The following ADAMTS3 variants were observed in gnomAD, a reference collection of about 807,000 sequenced individuals.
ADAMTS3 encodes the protein ADAM metallopeptidase with thrombospondin type 1 motif 3, also known as A disintegrin and metalloproteinase with thrombospondin motifs 3.
Under a neutral mutation model 129.0 loss-of-function variants are expected in ADAMTS3, and 73 were observed. The ratio of observed to expected loss-of-function variants is 0.57; its 90% confidence interval spans 0.47 to 0.69. ADAMTS3 has a LOEUF of 0.69. Ranked by LOEUF, ADAMTS3 falls within the 30% of genes least tolerant of loss-of-function variation. The pLI is 0.00. For missense variants in ADAMTS3, 1,457 were observed against 1,514.5 expected (o/e 0.96, Z 0.63); for synonymous variants, 477 against 510.8 (o/e 0.93, Z 0.89).
intron 3 of ADAMTS3, among the ~76,000 whole-genome samples, chr4:72,427,634 G>C (rs1178408735): frequency 6.6e-6 from 1 of 151,860 alleles, no homozygotes; most frequent in Admixed American, 6.6e-5. Flanking sequence ...GAAAAAAACA[G>C]AGACAAAAAA....
intron 3 of ADAMTS3, among the ~76,000 whole-genome samples, chr4:72,455,476 G>A (rs1052266453): frequency 1.3e-5 from 2 of 151,286 alleles, no homozygotes; most frequent in African/African-American, 4.8e-5. Context: ...GCCTATTGGG[G>A]GTGGGGAACT....
At chr4:72,506,049 C>G (rs1720151867) in intron 3 of ADAMTS3, among the ~76,000 whole-genome samples, 1 of 152,162 alleles carries the variant, frequency 6.6e-6, no homozygotes, top group Non-Finnish European at 1.5e-5. Flanking sequence ...AGAGGGCACC[C>G]CCATACCCAG....
intron 5 of ADAMTS3, among the ~76,000 whole-genome samples, chr4:72,333,999 A>G (rs796985856): frequency 4.6e-5 from 7 of 150,876 alleles, no homozygotes; most frequent in African/African-American, 1.7e-4. Flanking sequence ...GACTACAGGC[A>G]CCTGCCACCA....
At position 72,295,713 on chromosome 4, in the gene ADAMTS3, G is replaced by C; in HGVS notation, c.2664C>G (p.Ala888=). Reference sequence around the variant, plus strand: ...GTCTAATAGGTTTCGGCTTTTTGTTGGCCTCACAGAAGCTGCGATGGACCA... The same window carrying C: ...GTCTAATAGGTTTCGGCTTTTTGTTCGCCTCACAGAAGCTGCGATGGACCA... The part of the protein sequence containing the change: ...NKMVHRSFCE[A]NKKPKPIRRM... The change falls in exon 19 of 22, where the codon GCC becomes GCG. Residue 888 remains alanine, a synonymous_variant. Coordinates refer to ENST00000286657, the MANE Select transcript of ADAMTS3 (RefSeq NM_014243.3). 6.2e-7 allele frequency: 1 copy of C among 1,612,774 alleles called. No homozygotes were observed. The highest frequency in any genetic ancestry group is 8.5e-7 in the Non-Finnish European group (1 of 1,179,114).
chr4:72,558,957 G>A (rs1369517587), intron 2 of ADAMTS3, among the ~76,000 whole-genome samples: 1 of 151,786 alleles, frequency 6.6e-6, no homozygotes, highest in African/African-American at 2.4e-5. Flanking sequence ...GGAGTGAAAG[G>A]TAGAATGACA....
At chr4:72,391,234 T>C (rs1204884814) in intron 4 of ADAMTS3, among the ~76,000 whole-genome samples, 1 of 152,236 alleles carries the variant, frequency 6.6e-6, no homozygotes, top group African/African-American at 2.4e-5. Context: ...ATATTGTATA[T>C]TACGTGTATA....
At chr4:72,461,256 G>T (rs914813238) in intron 3 of ADAMTS3, among the ~76,000 whole-genome samples, 5 of 151,288 alleles carry the variant, frequency 3.3e-5, no homozygotes, top group Non-Finnish European at 4.4e-5. Flanking sequence ...ATTATGATCT[G>T]AGTTATATAA....
chr4:72,533,413 G>A (rs1156651147), intron 3 of ADAMTS3, among the ~76,000 whole-genome samples: 1 of 151,974 alleles, frequency 6.6e-6, no homozygotes, highest in African/African-American at 2.4e-5. Flanking sequence ...CCTCCTGAAG[G>A]AACTGCCTGA....
chr4:72,381,622 C>A (rs1560494288), intron 4 of ADAMTS3, among the ~76,000 whole-genome samples: 1 of 151,996 alleles, frequency 6.6e-6, no homozygotes, highest in Non-Finnish European at 1.5e-5. Flanking sequence ...GATTCTATAG[C>A]CTGTCTTGCA....
rs1282694823 is a variant in ADAMTS3, at chr4:72,518,581, C to T, written c.504+29897G>A. Among the ~76,000 whole-genome samples, 3 of 152,034 alleles carry T rather than the reference C, an allele frequency of 2.0e-5. No individual in the cohort carries two copies. The East Asian group carries it at 5.8e-4, about 29-fold the overall frequency. On this transcript the variant is annotated intron_variant, in intron 3 of 21. Coordinates refer to ENST00000286657, the MANE Select transcript of ADAMTS3 (RefSeq NM_014243.3). ...TCTTCTTGTTGAATTGATCCCTTTA[C>T]CATTATGTAATAGCCTTCTTTGTCT... is the stretch of plus-strand genomic sequence containing the variant.
intron 3 of ADAMTS3, among the ~76,000 whole-genome samples, chr4:72,501,931 T>C (rs940186257): frequency 4.5e-5 from 6 of 132,652 alleles, no homozygotes; most frequent in Non-Finnish European, 9.8e-5. Flanking sequence ...TTTGTGTTTG[T>C]TGAACAAACC....
At chr4:72,448,084 A>G (rs910096210) in intron 3 of ADAMTS3, among the ~76,000 whole-genome samples, 1 of 151,644 alleles carries the variant, frequency 6.6e-6, no homozygotes, top group Non-Finnish European at 1.5e-5. Flanking sequence ...TTCCAAACGA[A>G]GCTAACTCAG....
chr4:72,497,721 T>C (rs879729257), intron 3 of ADAMTS3, among the ~76,000 whole-genome samples: 1 of 143,436 alleles, frequency 7.0e-6, no homozygotes, highest in African/African-American at 2.6e-5. Context: ...ATCTCAACTT[T>C]TCTTGTTATA....
chr4:72,385,595 C>A (rs1324451220), intron 4 of ADAMTS3, among the ~76,000 whole-genome samples: 1 of 151,942 alleles, frequency 6.6e-6, no homozygotes, highest in African/African-American at 2.4e-5. Flanking sequence ...TGCTACAATA[C>A]AGATAGGTTG....
intron 3 of ADAMTS3, among the ~76,000 whole-genome samples, chr4:72,543,598 T>G (rs1015994260): frequency 1.3e-5 from 2 of 152,138 alleles, no homozygotes; most frequent in Admixed American, 1.3e-4. Flanking sequence ...TTATACTAAA[T>G]GCAATAAACT....
rs993479275 is a variant in ADAMTS3 at position 72,305,883 on chromosome 4, T to C, written c.2260+104A>G. 11 of 939,478 alleles carry C rather than the reference T, an allele frequency of 1.2e-5. No homozygotes were observed. The Admixed American group carries it at 2.4e-4, about 21-fold the overall frequency. The allele number at this position is 939,478 out of a possible 1,614,324, so 58.2% of individuals were successfully genotyped here. A position where few individuals can be genotyped will look rare whatever the true frequency, so the allele number is the denominator to read the frequency against. On this transcript the variant is annotated intron_variant, in intron 16 of 21. Transcript: ENST00000286657. ...ATGCACATGTATGTACATATACGTA[T>C]GCACATATATGTGTACATATATACA... is the stretch of plus-strand genomic sequence containing the variant.
intron 4 of ADAMTS3, among the ~76,000 whole-genome samples, chr4:72,403,540 G>T (rs1056068232): frequency 6.6e-6 from 1 of 151,856 alleles, no homozygotes; most frequent in African/African-American, 2.4e-5. Flanking sequence ...AAATTCCAAG[G>T]TTCTCCTAGT....
chr4:72,345,417 T>C (rs1158775229), intron 4 of ADAMTS3, among the ~76,000 whole-genome samples: 2 of 152,178 alleles, frequency 1.3e-5, no homozygotes, highest in Non-Finnish European at 2.9e-5. Context: ...TTAATTGACA[T>C]CTTTTTAAAA....
intron 4 of ADAMTS3, among the ~76,000 whole-genome samples, chr4:72,383,670 C>T (rs947670079): frequency 2.0e-5 from 3 of 152,180 alleles, no homozygotes; most frequent in Non-Finnish European, 4.4e-5. Flanking sequence ...ATACCAGCCA[C>T]AGTGTCGGTC....
Sources: gnomAD v4.1 joint callset for allele counts (sites outside exome capture counted in the v4.1 genomes callset) on GRCh38, gnomAD v4.1.1 for gene constraint, MANE v1.5 for transcripts, NCBI Gene and HGNC (gene_info 2026-07-23, HGNC 2026-07-21) for gene names.